SLC35F4: variants seen among roughly 807,000 people sequenced by gnomAD.
SLC35F4 encodes chromosome 14 open reading frame 36.
A neutral mutation model predicts 44.2 loss-of-function variants in SLC35F4; 24 were observed. The ratio of observed to expected loss-of-function variants is 0.54; its 90% confidence interval spans 0.39 to 0.76. The LOEUF (loss-of-function observed/expected upper bound fraction) is 0.76, where lower values mean the gene tolerates loss of function less well. Among genes scored for constraint, SLC35F4 ranks in the 30% least tolerant of loss-of-function variants. The pLI is 0.00. For missense variants in SLC35F4, 562 were observed against 586.1 expected (o/e 0.96, Z 0.42); for synonymous variants, 238 against 223.6 (o/e 1.06, Z -0.57).
chr14:57,638,453 T>C (rs1220044195), intron 1 of SLC35F4, among the ~76,000 whole-genome samples: 2 of 152,126 alleles, frequency 1.3e-5, no homozygotes, highest in African/African-American at 4.8e-5. Context: ...TGAATATTCA[T>C]AGCTCTTCTT....
chr14:57,946,648 G>C (rs1162035293), intron 1 of SLC35F4, among the ~76,000 whole-genome samples: 1 of 151,228 alleles, frequency 6.6e-6, no homozygotes, highest in South Asian at 2.1e-4. Flanking sequence ...CTAATTTTTT[G>C]TATTTTTAGT....
chr14:57,724,922 T>C (rs1255054597), intron 1 of SLC35F4, among the ~76,000 whole-genome samples: 2 of 152,200 alleles, frequency 1.3e-5, no homozygotes, highest in Non-Finnish European at 2.9e-5. Flanking sequence ...GATTATATAA[T>C]AAGTCATGGG....
upstream of SLC35F4, among the ~76,000 whole-genome samples, chr14:57,868,994 G>A (rs2141025839): frequency 6.6e-6 from 1 of 152,236 alleles, no homozygotes; most frequent in Non-Finnish European, 1.5e-5. Context: ...TCTAGTAGTT[G>A]TAAATTATAA....
At chr14:57,876,661 T>C (rs1199898615) in intron 1 of SLC35F4, among the ~76,000 whole-genome samples, 1 of 152,200 alleles carries the variant, frequency 6.6e-6, no homozygotes, top group East Asian at 1.9e-4. Context: ...ATCTTGAGAA[T>C]GGATTGAGAA....
At chr14:57,794,247 C>G (rs1445880166) in intron 1 of SLC35F4, among the ~76,000 whole-genome samples, 1 of 152,104 alleles carries the variant, frequency 6.6e-6, no homozygotes, top group Non-Finnish European at 1.5e-5. Flanking sequence ...AAATATTCAA[C>G]AGAGTAAACA....
chr14:57,964,880 C>T (rs11846813), intron 1 of SLC35F4, among the ~76,000 whole-genome samples: 41,213 of 150,844 alleles, frequency 0.27, 6,147 homozygotes, highest in African/African-American at 0.41. Context: ...ATTCTTAGCA[C>T]ACATGTTGAG....
intron 1 of SLC35F4, among the ~76,000 whole-genome samples, chr14:57,707,396 T>G (rs982442964): frequency 2.6e-5 from 4 of 152,210 alleles, no homozygotes; most frequent in African/African-American, 9.6e-5. Context: ...TGAGTTCTCA[T>G]GAGATCTGAT....
chr14:57,840,908 A>T (rs1246179989), intron 1 of SLC35F4, among the ~76,000 whole-genome samples: 1 of 152,202 alleles, frequency 6.6e-6, no homozygotes, highest in African/African-American at 2.4e-5. Context: ...AAAAGTGCAC[A>T]TCAATTTATG....
chr14:57,760,116 A>T lies in SLC35F4; in HGVS notation c.103+105607T>A, dbSNP rs182500426. ...AAAAATCATTGCCAAGTCCAATGTC[A>T]AAGAGCTTTTTCCCAGTTGTTATCG... On this transcript the variant is annotated intron_variant, in intron 1 of 7. Coordinates refer to ENST00000556826, the MANE Select transcript of SLC35F4 (RefSeq NM_001306087.2). Among the ~76,000 whole-genome samples, 24 of 152,168 alleles carry T rather than the reference A, an allele frequency of 1.6e-4. No homozygotes were observed. In the East Asian group the frequency reaches 4.6e-3, roughly 29 times the overall value.
intron 1 of SLC35F4, among the ~76,000 whole-genome samples, chr14:57,744,286 G>C (rs1476994718): frequency 6.6e-6 from 1 of 152,154 alleles, no homozygotes; most frequent in Non-Finnish European, 1.5e-5. Flanking sequence ...AAGTCAAATT[G>C]TCCCTGTTTG....
chr14:57,687,195 G>C (rs1259816579), intron 1 of SLC35F4, among the ~76,000 whole-genome samples: 1 of 152,176 alleles, frequency 6.6e-6, no homozygotes, highest in Admixed American at 6.6e-5. Flanking sequence ...TCCCCAGTCT[G>C]TGATACTTTG....
At chr14:57,930,036 C>A (rs1298396161) in intron 1 of SLC35F4, among the ~76,000 whole-genome samples, 1 of 152,142 alleles carries the variant, frequency 6.6e-6, no homozygotes. Flanking sequence ...ATATTTTTCA[C>A]CTCTAAAAAA....
rs1164604048 is a variant in SLC35F4 at position 57,581,236 on chromosome 14, T to A, written c.785A>T (p.Lys262Ile). Residue 262 changes from lysine to isoleucine, a missense_variant, in exon 4 of 8, where the codon AAA becomes ATA. Coordinates refer to ENST00000556826, the MANE Select transcript of SLC35F4 (RefSeq NM_001306087.2). ...TACCCTCACTCCCATGAACCTGTCT[T>A]TCAGCACAATCCATGACAGCAAGAA... is the stretch of plus-strand genomic sequence containing the variant. ...FVFLLSWIVL[K>I]DRFMGVRIVA... 6.3e-7 allele frequency: 1 copy of A among 1,588,348 alleles called. No homozygotes were observed. Among genetic ancestry groups the A allele is most frequent in the Non-Finnish European group, 8.6e-7 (1 of 1,168,486 alleles).
intron 1 of SLC35F4, among the ~76,000 whole-genome samples, chr14:57,764,019 C>G (rs2077182108): frequency 6.6e-6 from 1 of 152,118 alleles, no homozygotes; most frequent in African/African-American, 2.4e-5. Flanking sequence ...TTGGGATGCT[C>G]TTTTTTAGAA....
At chr14:57,891,174 G>T (rs993845855) in intron 1 of SLC35F4, among the ~76,000 whole-genome samples, 1 of 152,100 alleles carries the variant, frequency 6.6e-6, no homozygotes, top group African/African-American at 2.4e-5. Flanking sequence ...ATCAAAAAAA[G>T]ATTTTTTAAA....
At chr14:57,724,158 A>T (rs145620562) in intron 1 of SLC35F4, among the ~76,000 whole-genome samples, 1 of 152,182 alleles carries the variant, frequency 6.6e-6, no homozygotes, top group Non-Finnish European at 1.5e-5. Context: ...TGAGTGGGGT[A>T]CAGAACAGGA....
intron 1 of SLC35F4, among the ~76,000 whole-genome samples, chr14:57,876,073 T>A (rs576056888): frequency 6.6e-6 from 1 of 152,312 alleles, no homozygotes; most frequent in South Asian, 2.1e-4. Flanking sequence ...GAATAGAAAC[T>A]GCAACCTTTT....
At chr14:57,769,912 AAG>A (rs780707789) in intron 1 of SLC35F4, among the ~76,000 whole-genome samples, 7 of 152,162 alleles carry the variant, frequency 4.6e-5, no homozygotes, top group Non-Finnish European at 8.8e-5. Context: ...TTTTTTGAAA[AAG>A]AGTGGTCATA....
intron 1 of SLC35F4, among the ~76,000 whole-genome samples, chr14:57,627,359 C>T (rs1414267315): frequency 1.3e-5 from 2 of 152,078 alleles, no homozygotes; most frequent in East Asian, 1.9e-4. Context: ...CTTAACTTAC[C>T]AGTCCCTGTT....
Sources: allele counts gnomAD v4.1 joint callset (sites outside exome capture counted in the v4.1 genomes callset), GRCh38; gene constraint gnomAD v4.1.1; transcripts MANE v1.5; gene names NCBI Gene and HGNC (gene_info 2026-07-23, HGNC 2026-07-21).